Variants in CADPS2 observed in about 807,000 individuals in gnomAD.
The protein encoded by CADPS2 is calcium dependent secretion activator 2.
CADPS2 carries 93 observed loss-of-function variants against 172.5 expected under a neutral mutation model. The ratio of observed to expected loss-of-function variants is 0.54; its 90% CI spans 0.46 to 0.64. The LOEUF is 0.64. Ranked by LOEUF, CADPS2 falls within the 30% of genes least tolerant of loss-of-function variation. CADPS2 has a pLI of 0.00. For synonymous variants in CADPS2, 546 were observed against 555.2 expected, an observed-to-expected ratio of 0.98 and a Z score of 0.23; for missense variants, 1,420 against 1,565.9, an observed-to-expected ratio of 0.91 and a Z score of 1.57.
intron 8 of CADPS2, among the ~76,000 whole-genome samples, chr7:122,527,735 A>G (rs1231792377): frequency 6.6e-6 from 1 of 151,864 alleles, no homozygotes; most frequent in East Asian, 1.9e-4. Flanking sequence ...AGATAGTGCT[A>G]AGAGGACAGG....
Position 122,738,855 on chromosome 7 carries a change from A to G in CADPS2, c.340-1787T>C, listed in dbSNP as rs1180332657. ...GTGTCCTATTGTACCCAGGGGGGGA[A>G]AAAAAAAAAAAAAAAACTTTTGCCA... On this transcript the variant is annotated intron_variant, in intron 1 of 29. Transcript: ENST00000449022. Among the ~76,000 whole-genome samples the G allele has an allele frequency of 6.8e-5, 9 of 132,790 alleles. No individual in the cohort carries two copies. The East Asian group carries it at 8.6e-4, about 13-fold the overall frequency. The allele number at this position is 132,790 out of a possible 152,430, so 87.1% of individuals were successfully genotyped here. A position where few individuals can be genotyped will look rare whatever the true frequency, so the allele number is the denominator to read the frequency against.
intron 1 of CADPS2, chr7:122,849,986 GC>G: frequency 4.5e-6 from 3 of 663,956 alleles, no homozygotes; most frequent in Non-Finnish European, 2.4e-6. Flanking sequence ...GGGCCCACCT[GC>G]CCCCAAGCCT....
chr7:122,531,060 G>A (rs2061709717), intron 8 of CADPS2, among the ~76,000 whole-genome samples: 1 of 152,178 alleles, frequency 6.6e-6, no homozygotes, highest in African/African-American at 2.4e-5. Context: ...GCCATTTAAA[G>A]TCAGCAATCT....
chr7:122,433,726 C>T (rs1342505115), intron 17 of CADPS2, among the ~76,000 whole-genome samples: 1 of 152,114 alleles, frequency 6.6e-6, no homozygotes, highest in Admixed American at 6.6e-5. Flanking sequence ...TCTAAACAAG[C>T]ATTTCATTTT....
chr7:122,750,009 G>T (rs1185483093), intron 1 of CADPS2, among the ~76,000 whole-genome samples: 1 of 148,462 alleles, frequency 6.7e-6, no homozygotes, highest in Admixed American at 6.7e-5. Context: ...TCCCCAGGAA[G>T]AGGGACAAGA....
At chr7:122,745,389 A>T (rs897543220) in intron 1 of CADPS2, among the ~76,000 whole-genome samples, 3 of 151,966 alleles carry the variant, frequency 2.0e-5, no homozygotes, top group Admixed American at 6.6e-5. Context: ...AGTAAGAGAC[A>T]GGGATAGAAT....
intron 1 of CADPS2, among the ~76,000 whole-genome samples, chr7:122,821,420 C>T (rs1309488288): frequency 6.6e-6 from 1 of 152,134 alleles, no homozygotes; most frequent in Non-Finnish European, 1.5e-5. Context: ...ATTCAGGCCC[C>T]CTCCCTTCCC....
Position 122,668,545 on chromosome 7 carries a change from T to C in CADPS2, c.454-4976A>G, listed in dbSNP as rs371601471. 5.9e-5 allele frequency among the ~76,000 whole-genome samples: 9 copies of C among 152,166 alleles called. No homozygotes were observed. In the East Asian group the frequency reaches 1.4e-3, roughly 23 times the overall value. On this transcript the variant is annotated intron_variant, in intron 2 of 29. Transcript: ENST00000449022. ...AGACTGCTAGTAAAAAATATGGATT[T>C]ACTAGCAGTCAAGAGAGGAGACGGT...
At chr7:122,618,949 G>A (rs533059330) in intron 5 of CADPS2, among the ~76,000 whole-genome samples, 53 of 152,134 alleles carry the variant, frequency 3.5e-4, no homozygotes, top group Non-Finnish European at 5.6e-4. Flanking sequence ...ATCTGCCTTA[G>A]ATAGACATAG....
At chr7:122,579,457 A>ATATATATATATATATATATATATATG (rs2068513326) in intron 7 of CADPS2, among the ~76,000 whole-genome samples, 1 of 81,642 alleles carries the variant, frequency 1.2e-5, no homozygotes, top group African/African-American at 4.2e-5. Context: ...TCGAATATAT[A>ATATATATATATATATATATATATATG]TATATATATA....
intron 1 of CADPS2, among the ~76,000 whole-genome samples, chr7:122,876,360 T>A (rs192320648): frequency 1.3e-5 from 2 of 152,152 alleles, no homozygotes; most frequent in Admixed American, 1.3e-4. Flanking sequence ...AAATCTAATT[T>A]TATATTTATT....
chr7:122,337,714 C>T (rs905428478), intron 28 of CADPS2, among the ~76,000 whole-genome samples: 4 of 146,066 alleles, frequency 2.7e-5, no homozygotes, highest in African/African-American at 1.0e-4. Context: ...AACCAGACAG[C>T]GGTAATTCGA....
rs1313254564 is a variant in CADPS2, at chr7:122,663,426, C to G, written c.597G>C (p.Val199=). The G allele has an allele frequency of 1.2e-6, 2 of 1,613,862 alleles. No homozygotes were observed. Among genetic ancestry groups the G allele is most frequent in the African/African-American group, 2.7e-5 (2 of 74,934 alleles). ...CATATTTGGCTATCCATGAGCTCAA[C>G]ACTGTCTCTTTGCTCAAGCCATCTA... ...PEIDGLSKET[V]LSSWIAKYDA... Residue 199 remains valine, a synonymous_variant, in exon 3 of 30, where the codon GTG becomes GTC. Coordinates refer to ENST00000449022, the MANE Select transcript of CADPS2 (RefSeq NM_017954.11).
intron 1 of CADPS2, among the ~76,000 whole-genome samples, chr7:122,751,666 C>T (rs1237357817): frequency 6.6e-6 from 1 of 152,174 alleles, no homozygotes; most frequent in African/African-American, 2.4e-5. Flanking sequence ...ACAGAAACCA[C>T]AAGGATGGAG....
chr7:122,583,997 CTTTCT>C (rs2132965633), intron 6 of CADPS2, among the ~76,000 whole-genome samples: 1 of 151,232 alleles, frequency 6.6e-6, no homozygotes, highest in South Asian at 2.1e-4. Context: ...TATTGTCTTC[CTTTCT>C]TGAGATAAAC....
chr7:122,720,876 T>G lies in CADPS2; in HGVS notation c.453+16079A>C, dbSNP rs567939480. ...GACATAAAGCTGGGGTGTATTTTTT[T>G]GTACATCAAAAATGGCCAAATATTG... On this transcript the variant is annotated intron_variant, in intron 2 of 29. Coordinates refer to ENST00000449022, the MANE Select transcript of CADPS2 (RefSeq NM_017954.11). Among the ~76,000 whole-genome samples, 21 of 152,174 alleles carry G rather than the reference T, an allele frequency of 1.4e-4. No homozygotes were observed. The East Asian group carries it at 2.3e-3, about 17-fold the overall frequency.
intron 3 of CADPS2, 58 bp from the exon 4 acceptor site, chr7:122,629,386 C>A: frequency 7.5e-7 from 1 of 1,331,030 alleles, no homozygotes; most frequent in Non-Finnish European, 1.0e-6. Context: ...TACAGTGACC[C>A]ACAGACTGAG....
At chr7:122,492,704 T>C (rs1400723797) in intron 9 of CADPS2, among the ~76,000 whole-genome samples, 3 of 151,916 alleles carry the variant, frequency 2.0e-5, no homozygotes, top group Non-Finnish European at 4.4e-5. Context: ...ATTTTTTTTC[T>C]TTTTTTCTTT....
intron 1 of CADPS2, among the ~76,000 whole-genome samples, chr7:122,795,859 G>C (rs1796267554): frequency 6.6e-6 from 1 of 152,106 alleles, no homozygotes; most frequent in Non-Finnish European, 1.5e-5. Flanking sequence ...GTCCTGGCCA[G>C]GGCTGTCAGG....
Sources: gnomAD v4.1 joint callset for allele counts (sites outside exome capture counted in the v4.1 genomes callset) on GRCh38, gnomAD v4.1.1 for gene constraint, MANE v1.5 for transcripts, NCBI Gene and HGNC (gene_info 2026-07-23, HGNC 2026-07-21) for gene names.